Variants in SASS6 observed in about 807,000 individuals in gnomAD.
SASS6 encodes SAS-6 centriolar assembly protein.
A neutral mutation model predicts 94.9 loss-of-function variants in SASS6; 59 were observed. The ratio of observed to expected loss-of-function variants is 0.62; its 90% CI spans 0.50 to 0.77. The LOEUF (loss-of-function observed/expected upper bound fraction) is 0.77. SASS6 is among the 30% of genes least tolerant of loss of function. The pLI is 0.00. For missense variants in SASS6, 698 were observed against 734.1 expected (o/e 0.95, Z 0.57); for synonymous variants, 264 against 270.0 (o/e 0.98, Z 0.22).
At position 100,112,543 on chromosome 1, in the gene SASS6, G is replaced by C. The variant is rs1034372268; in HGVS notation, c.670-2060C>G. On this transcript the variant is annotated intron_variant, in intron 7 of 16. Transcript: ENST00000287482. ...ACATAAAGAGAAATAAAAAATGCAAGAATCAAATTTGCCCTATTAAAATGC... is the reference window on the plus strand; with the variant it reads ...ACATAAAGAGAAATAAAAAATGCAACAATCAAATTTGCCCTATTAAAATGC... Among the ~76,000 whole-genome samples, 3 of 152,198 alleles carry C rather than the reference G, an allele frequency of 2.0e-5. No homozygotes were observed. The South Asian group carries it at 6.2e-4, about 32-fold the overall frequency.
intron 13 of SASS6, among the ~76,000 whole-genome samples, chr1:100,103,920 T>C (rs192826262): frequency 1.3e-5 from 2 of 152,346 alleles, no homozygotes; most frequent in Non-Finnish European, 1.5e-5. Context: ...GCTAGATTTA[T>C]TGCTCCTTGC....
intron 8 of SASS6, 112 bp downstream of exon 8, chr1:100,110,180 T>TA (rs1653211263): frequency 1.9e-6 from 1 of 536,304 alleles, no homozygotes; most frequent in Admixed American, 3.9e-5. Context: ...ATGGATACCC[T>TA]AACACCACAA....
intron 14 of SASS6, among the ~76,000 whole-genome samples, chr1:100,100,620 T>C (rs1652407925): frequency 6.6e-6 from 1 of 152,250 alleles, no homozygotes; most frequent in Admixed American, 6.5e-5. Flanking sequence ...CATTATTTTG[T>C]TTCTTGCCAA....
intron 7 of SASS6, among the ~76,000 whole-genome samples, chr1:100,111,163 C>G (rs1338082102): frequency 6.6e-6 from 1 of 151,914 alleles, no homozygotes; most frequent in Non-Finnish European, 1.5e-5. Flanking sequence ...CATGCTCTTA[C>G]AGGCAAAAAG....
At chr1:100,120,573 A>G (rs1654115042) in intron 5 of SASS6, 114 bp from the exon 6 acceptor site, 3 of 585,334 alleles carry the variant, frequency 5.1e-6, no homozygotes, top group Admixed American at 6.0e-5. Context: ...GCAGATTCTT[A>G]GGCTCCATCT....
chr1:100,107,336 A>AC, intron 11 of SASS6, 38 bp downstream of exon 11: 2 of 1,354,446 alleles, frequency 1.5e-6, no homozygotes, highest in Non-Finnish European at 2.1e-6. Flanking sequence ...ACGAGGAAAA[A>AC]ATTTAGTTAC....
At chr1:100,113,393 G>A (rs1653527763) in intron 7 of SASS6, among the ~76,000 whole-genome samples, 1 of 152,028 alleles carries the variant, frequency 6.6e-6, no homozygotes, top group Non-Finnish European at 1.5e-5. Context: ...CGGATCACGA[G>A]GTCAGGAGAT....
At chr1:100,113,529 G>A (rs1475206982) in intron 7 of SASS6, among the ~76,000 whole-genome samples, 4 of 151,768 alleles carry the variant, frequency 2.6e-5, no homozygotes, top group Non-Finnish European at 5.9e-5. Flanking sequence ...GCTGAGGCAG[G>A]AGAATGGCGT....
chr1:100,117,249 C>T (rs1369053782), intron 7 of SASS6, among the ~76,000 whole-genome samples: 21 of 150,594 alleles, frequency 1.4e-4, no homozygotes, highest in Admixed American at 3.3e-4. Context: ...CCAAATCATG[C>T]CATTGCACTC....
chr1:100,110,541 T>C (rs1309671998), intron 7 of SASS6, 58 bp from the exon 8 acceptor site: 1 of 869,422 alleles, frequency 1.2e-6, no homozygotes, highest in Non-Finnish European at 1.7e-6. Flanking sequence ...GAAATACAAA[T>C]ACAGAAAGAT....
At chr1:100,087,973 ATC>A (rs1196025605) in intron 15 of SASS6, among the ~76,000 whole-genome samples, 164 bp downstream of exon 15, 5 of 152,166 alleles carry the variant, frequency 3.3e-5, no homozygotes, top group African/African-American at 1.2e-4. Context: ...AGTATGAGAA[ATC>A]TCTTTTTTAT....
rs748789787 is a variant in SASS6, at chr1:100,106,899, G to GT, written c.1408+12dup. On this transcript the variant is annotated intron_variant, in intron 12 of 16. Transcript: ENST00000287482. ...CTACAAACCTCATTTACATTAACAC[G>GT]TAACATACTTACACTTTTCATTATT... is the stretch of plus-strand genomic sequence containing the variant. 1.1e-5 allele frequency: 12 copies of GT among 1,070,784 alleles called. No individual in the cohort carries two copies. In the South Asian group the frequency reaches 1.6e-4, roughly 14 times the overall value. 66.3% of individuals were successfully genotyped at this position (1,070,784 alleles called of 1,614,324 possible).
chr1:100,094,114 TAATGA>T (rs1329084217), intron 14 of SASS6, among the ~76,000 whole-genome samples: 2 of 152,144 alleles, frequency 1.3e-5, no homozygotes, highest in Non-Finnish European at 2.9e-5. Flanking sequence ...CCATTATAAG[TAATGA>T]AAGAGAGGAT....
intron 7 of SASS6, among the ~76,000 whole-genome samples, chr1:100,114,011 T>C (rs1009315886): frequency 2.0e-5 from 3 of 151,096 alleles, no homozygotes; most frequent in African/African-American, 7.3e-5. Context: ...TAAAAAAAAA[T>C]AATAAATTTT....
At chr1:100,105,275 T>C (rs757518366) in intron 13 of SASS6, among the ~76,000 whole-genome samples, 29 of 152,292 alleles carry the variant, frequency 1.9e-4, no homozygotes, top group Admixed American at 1.0e-3. Context: ...ACGCCTGTAA[T>C]CCCAACACTT....
chr1:100,132,604 G>T (rs1238922789), intron 1 of SASS6, 146 bp downstream of exon 1: 2 of 731,458 alleles, frequency 2.7e-6, no homozygotes, highest in East Asian at 2.5e-5. Context: ...GGTAACCACC[G>T]GGCCCTCTGG....
chr1:100,123,169 A>AT (rs35729161), intron 3 of SASS6, 41 bp downstream of exon 3: 3 of 835,974 alleles, frequency 3.6e-6, no homozygotes, highest in East Asian at 5.1e-5. Flanking sequence ...TTAGAAACTT[A>AT]TTTTTTCACT....
At chr1:100,124,148 G>C (rs1423537362) in intron 2 of SASS6, among the ~76,000 whole-genome samples, 1 of 152,136 alleles carries the variant, frequency 6.6e-6, no homozygotes, top group Non-Finnish European at 1.5e-5. Context: ...AAATGAAGAG[G>C]TACAGCAGGC....
At chr1:100,119,820 G>T (rs75909123) in intron 6 of SASS6, among the ~76,000 whole-genome samples, 1 of 152,150 alleles carries the variant, frequency 6.6e-6, no homozygotes, top group Non-Finnish European at 1.5e-5. Flanking sequence ...CCAAGCAGAT[G>T]TTGGTGCCAT....
Sources: allele counts gnomAD v4.1 joint callset (sites outside exome capture counted in the v4.1 genomes callset), GRCh38; gene constraint gnomAD v4.1.1; transcripts MANE v1.5; gene names NCBI Gene and HGNC (gene_info 2026-07-23, HGNC 2026-07-21).